The following KREMEN1 variants were observed in gnomAD, a reference collection of about 807,000 sequenced individuals.
KREMEN1 encodes kremen protein 1.
KREMEN1 carries 30 observed loss-of-function variants against 46.5 expected under a neutral mutation model. The observed-to-expected ratio is 0.65, with a 90% CI of 0.48 to 0.88. The LOEUF (loss-of-function observed/expected upper bound fraction) is 0.88. KREMEN1 is among the 40% of genes least tolerant of loss of function. The pLI, the probability that KREMEN1 is intolerant of heterozygous loss-of-function variation, is 0.00. For synonymous variants in KREMEN1, 214 were observed against 230.6 expected (o/e 0.93, Z 0.65); for missense variants, 533 against 596.9 (o/e 0.89, Z 1.11).
chr22:29,127,289 G>C (rs568425542), intron 5 of KREMEN1, among the ~76,000 whole-genome samples: 2 of 152,306 alleles, frequency 1.3e-5, no homozygotes, highest in Admixed American at 1.3e-4. Flanking sequence ...AGAGGTGCTA[G>C]AGAGGAAAGA....
intron 2 of KREMEN1, among the ~76,000 whole-genome samples, chr22:29,095,443 G>A (rs927986501): frequency 2.0e-5 from 3 of 152,176 alleles, no homozygotes; most frequent in Admixed American, 6.5e-5. Context: ...AGCACTTTTG[G>A]TTATACATTT....
intron 3 of KREMEN1, among the ~76,000 whole-genome samples, chr22:29,119,724 C>T (rs907173927): frequency 2.6e-5 from 4 of 152,226 alleles, no homozygotes; most frequent in Non-Finnish European, 5.9e-5. Context: ...TTGTTCTCAG[C>T]TACAGCTTTT....
intron 1 of KREMEN1, among the ~76,000 whole-genome samples, chr22:29,084,130 A>C (rs2037697486): frequency 6.7e-6 from 1 of 149,278 alleles, no homozygotes; most frequent in Non-Finnish European, 1.5e-5. Flanking sequence ...TGCTTGTAGG[A>C]GTGTCTTTTG....
chr22:29,086,604 C>G (rs760793938), intron 1 of KREMEN1, among the ~76,000 whole-genome samples: 1 of 152,140 alleles, frequency 6.6e-6, no homozygotes, highest in Non-Finnish European at 1.5e-5. Context: ...ATCAGCTTTC[C>G]CATAGTGCTT....
intron 3 of KREMEN1, among the ~76,000 whole-genome samples, chr22:29,114,371 A>C (rs1188466216): frequency 6.6e-6 from 1 of 151,738 alleles, no homozygotes; most frequent in Non-Finnish European, 1.5e-5. Flanking sequence ...CTGTAACCCC[A>C]GCTACTCGGG....
chr22:29,108,265 C>T (rs976798919), intron 3 of KREMEN1, among the ~76,000 whole-genome samples: 9 of 152,144 alleles, frequency 5.9e-5, no homozygotes, highest in African/African-American at 2.4e-5. Flanking sequence ...TTAGTCTGGG[C>T]GATGAGAGTG....
chr22:29,164,040 G>T (rs1326347995), intron 9 of KREMEN1, among the ~76,000 whole-genome samples: 1 of 147,630 alleles, frequency 6.8e-6, no homozygotes, highest in Non-Finnish European at 1.5e-5. Context: ...GGGACAAACC[G>T]CTGGGCTCAA....
chr22:29,151,531 G>A (rs1027879777), downstream of KREMEN1, among the ~76,000 whole-genome samples: 3 of 152,170 alleles, frequency 2.0e-5, no homozygotes, highest in Non-Finnish European at 2.9e-5. Context: ...ACTCCATGAG[G>A]AGTCGGGGGA....
rs1013850174 is a variant in KREMEN1, at chr22:29,144,146, C to A, written c.*2034C>A. 3 of 985,460 alleles carry A rather than the reference C, an allele frequency of 3.0e-6. No homozygotes were observed. Among genetic ancestry groups the A allele is most frequent in the Non-Finnish European group, 3.6e-6 (3 of 830,028 alleles). 61.0% of individuals were successfully genotyped at this position (985,460 alleles called of 1,614,324 possible). A position where few individuals can be genotyped will look rare whatever the true frequency, so the allele number is the denominator to read the frequency against. ...GGCACTTGGGCCTGGGTGATTGTTG[C>A]GCCTCTGGCTTTGGCGTTTCCTCTT... is the stretch of plus-strand genomic sequence containing the variant. On this transcript the variant is annotated 3_prime_UTR_variant, in exon 9 of 9. Coordinates refer to ENST00000400335, the MANE Select transcript of KREMEN1 (RefSeq NM_001039570.3).
At chr22:29,093,646 G>A (rs982217726) in intron 1 of KREMEN1, among the ~76,000 whole-genome samples, 1 of 152,214 alleles carries the variant, frequency 6.6e-6, no homozygotes, top group Non-Finnish European at 1.5e-5. Flanking sequence ...CCTCCCTCAT[G>A]TTGACTGTCT....
At position 29,123,346 on chromosome 22, in the gene KREMEN1, T is replaced by TA. The variant is rs557282074; in HGVS notation, c.477+1878dup. 0.021 allele frequency among the ~76,000 whole-genome samples: 2,545 copies of TA among 119,150 alleles called. 138 individuals are homozygous for TA. In the South Asian group the frequency reaches 0.21, roughly 10 times the overall value. 78.2% of individuals were successfully genotyped at this position (119,150 alleles called of 152,430 possible). On this transcript the variant is annotated intron_variant, in intron 4 of 8. Transcript: ENST00000400335. ...GACTTGTATCCATAATGTGTAAAAT[T>TA]AAAAAAAAAAAAAGCCAAACAACTC...
intron 5 of KREMEN1, among the ~76,000 whole-genome samples, chr22:29,131,622 GTATATATGTATATA>G (rs2038546505): frequency 8.0e-6 from 1 of 125,358 alleles, no homozygotes; most frequent in East Asian, 2.3e-4. Flanking sequence ...GTATATATAT[GTATATATGTATATA>G]TATGTGTGTA....
chr22:29,138,964 C>G, intron 7 of KREMEN1, 182 bp downstream of exon 7: 1 of 867,858 alleles, frequency 1.2e-6, no homozygotes, highest in Non-Finnish European at 1.8e-6. Flanking sequence ...AGCTTGGTTC[C>G]TTAGTCCTGA....
chr22:29,115,649 G>A (rs2145801075), intron 3 of KREMEN1, among the ~76,000 whole-genome samples: 1 of 152,268 alleles, frequency 6.6e-6, no homozygotes, highest in African/African-American at 2.4e-5. Flanking sequence ...GTAAACAGGT[G>A]TTCAGAATCA....
In KREMEN1 at chr22:29,073,487, C is replaced by T. The variant is rs952133479; in HGVS notation, c.97+260C>T. Among the ~76,000 whole-genome samples the T allele has an allele frequency of 7.9e-5, 12 of 152,026 alleles. No homozygotes were observed. Among genetic ancestry groups the T allele is most frequent in the African/African-American group, 2.9e-4 (12 of 41,410 alleles). On this transcript the variant is annotated intron_variant, in intron 1 of 8. Coordinates refer to ENST00000400335, the MANE Select transcript of KREMEN1 (RefSeq NM_001039570.3). This position sits in a 1 kb window ranked among gnomAD's most constrained non-coding sequence, Gnocchi z 4.4. Reference sequence around the variant, plus strand: ...GTGCTCCTCAGCGACGCCCCTCAGCCCAGGAGGCCCTCTCCGCCTTGAGTC... The same window carrying T: ...GTGCTCCTCAGCGACGCCCCTCAGCTCAGGAGGCCCTCTCCGCCTTGAGTC...
At chr22:29,133,631 A>G (rs2038603713) in intron 5 of KREMEN1, among the ~76,000 whole-genome samples, 1 of 150,968 alleles carries the variant, frequency 6.6e-6, no homozygotes, top group African/African-American at 2.4e-5. Flanking sequence ...TGATGTGTCT[A>G]GGTGTGTCTT....
chr22:29,124,220 C>G (rs903576537), intron 4 of KREMEN1, among the ~76,000 whole-genome samples: 9 of 152,032 alleles, frequency 5.9e-5, no homozygotes, highest in Admixed American at 2.0e-4. Flanking sequence ...CTCTGCTCAG[C>G]AATAAGAAGG....
intron 7 of KREMEN1, among the ~76,000 whole-genome samples, chr22:29,140,048 C>T (rs1472046821): frequency 6.6e-6 from 1 of 152,180 alleles, no homozygotes; most frequent in Non-Finnish European, 1.5e-5. Context: ...TTGGATCATC[C>T]TGTCTGCCTC....
Position 29,146,474 on chromosome 22 carries a change from G to C in KREMEN1, c.*4362G>C. On this transcript the variant is annotated 3_prime_UTR_variant, in exon 9 of 9. Transcript: ENST00000400335. ...CTGCTTCAGAAAGGAAGGGTCTTTA[G>C]ACACAAAGACTGGAGGCCCTTCCCC... The C allele has an allele frequency of 3.0e-6, 3 of 985,584 alleles. No individual in the cohort carries two copies. The highest frequency in any genetic ancestry group is 3.6e-6 in the Non-Finnish European group (3 of 829,962). 61.1% of individuals were successfully genotyped at this position (985,584 alleles called of 1,614,324 possible). A position where few individuals can be genotyped will look rare whatever the true frequency, so the allele number is the denominator to read the frequency against.
Sources: gnomAD v4.1 joint callset for allele counts (sites outside exome capture counted in the v4.1 genomes callset) on GRCh38, gnomAD v4.1.1 for gene constraint, Gnocchi (gnomAD v3.1) non-coding constraint, MANE v1.5 for transcripts, NCBI Gene and HGNC (gene_info 2026-07-23, HGNC 2026-07-21) for gene names.